Variants in EXOC6B observed in about 807,000 individuals in gnomAD.
EXOC6B encodes SEC15 homolog B.
Under a neutral mutation model 113.5 loss-of-function variants are expected in EXOC6B, and 54 were observed. The ratio of observed to expected loss-of-function variants is 0.48; its 90% CI spans 0.38 to 0.60. The LOEUF is 0.60. Among genes scored for constraint, EXOC6B ranks in the 20% least tolerant of loss-of-function variants. EXOC6B has a pLI of 0.00. For missense variants in EXOC6B, 797 were observed against 977.5 expected (o/e 0.82, Z 2.46); for synonymous variants, 357 against 339.0 (o/e 1.05, Z -0.58).
intron 1 of EXOC6B, among the ~76,000 whole-genome samples, chr2:72,758,503 A>G (rs1026661438): frequency 6.6e-6 from 1 of 152,204 alleles, no homozygotes; most frequent in African/African-American, 2.4e-5. Flanking sequence ...ACAAAAATAA[A>G]TCTGGTCCCC....
chr2:72,815,775 A>G (rs1686204183), intron 1 of EXOC6B, among the ~76,000 whole-genome samples: 1 of 152,232 alleles, frequency 6.6e-6, no homozygotes, highest in Non-Finnish European at 1.5e-5. Flanking sequence ...TACAACCTCT[A>G]AAGTGGGTAA....
intron 5 of EXOC6B, among the ~76,000 whole-genome samples, chr2:72,726,107 G>T (rs1054747239): frequency 6.6e-6 from 1 of 152,130 alleles, no homozygotes; most frequent in East Asian, 1.9e-4. Flanking sequence ...CTTCCATTAT[G>T]CTAAGTGGAA....
chr2:72,368,487 A>G (rs1690778806), intron 19 of EXOC6B, among the ~76,000 whole-genome samples: 1 of 152,200 alleles, frequency 6.6e-6, no homozygotes, highest in South Asian at 2.1e-4. Context: ...CAATAGAAAA[A>G]GAGGGAATCC....
chr2:72,525,674 T>G (rs190045909), intron 8 of EXOC6B, among the ~76,000 whole-genome samples: 1 of 152,222 alleles, frequency 6.6e-6, no homozygotes, highest in East Asian at 1.9e-4. Context: ...AATCAATTTG[T>G]AGACAAGAAC....
At chr2:72,736,792 A>G (rs1680996401) in intron 2 of EXOC6B, among the ~76,000 whole-genome samples, 1 of 152,222 alleles carries the variant, frequency 6.6e-6, no homozygotes, top group South Asian at 2.1e-4. Context: ...ATCATGGACC[A>G]GGGCACCAAG....
chr2:72,797,835 T>TTAA (rs532548422), intron 1 of EXOC6B, among the ~76,000 whole-genome samples: 2 of 151,070 alleles, frequency 1.3e-5, no homozygotes, highest in Admixed American at 6.6e-5. Context: ...AATTAATTAA[T>TTAA]TAATAATAAT....
At chr2:72,590,321 A>T (rs1192545333) in intron 6 of EXOC6B, among the ~76,000 whole-genome samples, 2 of 152,050 alleles carry the variant, frequency 1.3e-5, no homozygotes, top group Admixed American at 6.6e-5. Flanking sequence ...TAGTTTATAA[A>T]CATAAGTAGA....
intron 18 of EXOC6B, among the ~76,000 whole-genome samples, chr2:72,417,600 G>A (rs1415913098): frequency 6.6e-6 from 1 of 152,056 alleles, no homozygotes. Flanking sequence ...TCTGTTATTA[G>A]TTATCCAGCA....
chr2:72,647,408 A>G (rs543240615), intron 6 of EXOC6B, among the ~76,000 whole-genome samples: 2 of 152,340 alleles, frequency 1.3e-5, no homozygotes, highest in African/African-American at 4.8e-5. Flanking sequence ...GACTTTCTTC[A>G]CAGAATTGGA....
chr2:72,812,699 A>G (rs1052495681), intron 1 of EXOC6B, among the ~76,000 whole-genome samples: 3 of 148,644 alleles, frequency 2.0e-5, no homozygotes, highest in Non-Finnish European at 4.5e-5. Context: ...TCTAAAAAAT[A>G]AATAAATAAA....
At chr2:72,258,095 C>T (rs1340344163) in intron 20 of EXOC6B, among the ~76,000 whole-genome samples, 2 of 152,134 alleles carry the variant, frequency 1.3e-5, no homozygotes, top group Admixed American at 6.6e-5. Flanking sequence ...ATTACACATT[C>T]TTTAAAGCTA....
chr2:72,486,823 T>C (rs957583722), intron 16 of EXOC6B, among the ~76,000 whole-genome samples: 1 of 151,922 alleles, frequency 6.6e-6, no homozygotes, highest in South Asian at 2.1e-4. Flanking sequence ...TACTGTATCA[T>C]TCCCACAATA....
At chr2:72,198,184 G>T (rs893866627) in intron 20 of EXOC6B, among the ~76,000 whole-genome samples, 1 of 152,196 alleles carries the variant, frequency 6.6e-6, no homozygotes, top group Non-Finnish European at 1.5e-5. Flanking sequence ...GTTCAAGCCA[G>T]TGTTGTCAAG....
chr2:72,730,387 G>C (rs545101422), intron 5 of EXOC6B, among the ~76,000 whole-genome samples: 1 of 152,256 alleles, frequency 6.6e-6, no homozygotes, highest in East Asian at 1.9e-4. Context: ...ATAGGAAAAA[G>C]GCTGACTGTG....
intron 19 of EXOC6B, among the ~76,000 whole-genome samples, chr2:72,361,017 GA>G (rs1425612746): frequency 6.6e-6 from 1 of 151,560 alleles, no homozygotes; most frequent in Non-Finnish European, 1.5e-5. Context: ...TCCCAGAGAA[GA>G]GTAGCATTTT....
At chr2:72,690,284 T>G (rs2104585074) in intron 6 of EXOC6B, among the ~76,000 whole-genome samples, 1 of 152,348 alleles carries the variant, frequency 6.6e-6, no homozygotes, top group South Asian at 2.1e-4. Flanking sequence ...TGGCCTTCTT[T>G]TCCCATATCC....
chr2:72,488,912 C>T (rs1023021462), intron 16 of EXOC6B, among the ~76,000 whole-genome samples: 6 of 152,156 alleles, frequency 3.9e-5, no homozygotes, highest in East Asian at 1.9e-4. Flanking sequence ...AAAGGCTTTA[C>T]GACGGCCTAC....
chr2:72,458,902 A>T (rs1697430241), intron 18 of EXOC6B, among the ~76,000 whole-genome samples: 1 of 152,140 alleles, frequency 6.6e-6, no homozygotes, highest in South Asian at 2.1e-4. Flanking sequence ...ATTAAAAAAT[A>T]TAAATTAGTA....
At chr2:72,470,574 G>A (rs1283427654) in intron 17 of EXOC6B, among the ~76,000 whole-genome samples, 2 of 151,748 alleles carry the variant, frequency 1.3e-5, no homozygotes, top group South Asian at 2.1e-4. Flanking sequence ...CTATTAACTC[G>A]TCATTTAGCA....
Sources: allele counts gnomAD v4.1 joint callset (sites outside exome capture counted in the v4.1 genomes callset), GRCh38; gene constraint gnomAD v4.1.1; transcripts MANE v1.5; gene names NCBI Gene and HGNC (gene_info 2026-07-23, HGNC 2026-07-21).